The following CTDSPL variants were observed in gnomAD, a reference collection of about 807,000 sequenced individuals.
CTDSPL encodes the protein CTD small phosphatase like.
CTDSPL carries 8 observed loss-of-function variants against 30.5 expected under a neutral mutation model. The observed-to-expected ratio is 0.26, with a 90% confidence interval of 0.15 to 0.47. The LOEUF (loss-of-function observed/expected upper bound fraction) is 0.47. Ranked by LOEUF, CTDSPL falls within the 20% of genes least tolerant of loss-of-function variation. The pLI, the probability that CTDSPL is intolerant of heterozygous loss-of-function variation, is 0.99. For synonymous variants in CTDSPL, 110 were observed against 137.9 expected, an observed-to-expected ratio of 0.80 and a Z score of 1.42; for missense variants, 248 against 366.1, an observed-to-expected ratio of 0.68 and a Z score of 2.63.
intron 1 of CTDSPL, among the ~76,000 whole-genome samples, chr3:37,890,193 C>T (rs1187756263): frequency 3.9e-5 from 6 of 152,082 alleles, no homozygotes; most frequent in Admixed American, 3.3e-4. Context: ...TCAACGTATG[C>T]GCGCACACCC....
intron 1 of CTDSPL, among the ~76,000 whole-genome samples, chr3:37,931,754 G>A (rs973236094): frequency 2.6e-5 from 4 of 151,812 alleles, no homozygotes; most frequent in Admixed American, 1.3e-4. Context: ...GATAAACAGG[G>A]CCAATCTTAA....
At chr3:37,904,623 A>G (rs1219613180) in intron 1 of CTDSPL, among the ~76,000 whole-genome samples, 1 of 152,180 alleles carries the variant, frequency 6.6e-6, no homozygotes, top group African/African-American at 2.4e-5. Context: ...TGGGAATGGC[A>G]TAGCTCACCA....
chr3:37,910,160 G>T (rs1698565809), intron 1 of CTDSPL, among the ~76,000 whole-genome samples: 1 of 152,218 alleles, frequency 6.6e-6, no homozygotes. Flanking sequence ...AGGCCACATA[G>T]TAACCACATA....
intron 1 of CTDSPL, among the ~76,000 whole-genome samples, chr3:37,899,513 C>T (rs1314600578): frequency 6.6e-6 from 1 of 152,160 alleles, no homozygotes; most frequent in East Asian, 1.9e-4. Flanking sequence ...AAAACAGGAG[C>T]CAATCAGGCT....
intron 1 of CTDSPL, among the ~76,000 whole-genome samples, chr3:37,935,979 T>G (rs1698911047): frequency 6.6e-6 from 1 of 152,150 alleles, no homozygotes; most frequent in South Asian, 2.1e-4. Flanking sequence ...ATGTCAGTAT[T>G]GCATACTGTG....
intron 1 of CTDSPL, among the ~76,000 whole-genome samples, chr3:37,878,680 A>C (rs911994374): frequency 6.6e-6 from 1 of 152,156 alleles, no homozygotes; most frequent in African/African-American, 2.4e-5. Flanking sequence ...TACATTTTGC[A>C]ATTAGGGGGA....
intron 1 of CTDSPL, among the ~76,000 whole-genome samples, chr3:37,876,948 A>G (rs1436762473): frequency 6.6e-6 from 1 of 152,054 alleles, no homozygotes; most frequent in Non-Finnish European, 1.5e-5. Flanking sequence ...TCTACTAAAA[A>G]TACAAAAATT....
intron 3 of CTDSPL, among the ~76,000 whole-genome samples, chr3:37,961,324 T>C (rs1019584372): frequency 1.1e-4 from 16 of 152,206 alleles, no homozygotes; most frequent in Admixed American, 9.8e-4. Context: ...GGTATTGAAG[T>C]ATTAGGAAAA....
chr3:37,959,116 C>G (rs1200026768), intron 3 of CTDSPL, among the ~76,000 whole-genome samples: 1 of 152,206 alleles, frequency 6.6e-6, no homozygotes, highest in East Asian at 1.9e-4. Context: ...GATCCCACAA[C>G]CTCCTGAAAG....
At chr3:37,935,067 T>C (rs1698899617) in intron 1 of CTDSPL, among the ~76,000 whole-genome samples, 1 of 152,254 alleles carries the variant, frequency 6.6e-6, no homozygotes, top group South Asian at 2.1e-4. Context: ...CATGTCTTCA[T>C]AATGATCATC....
chr3:37,904,899 C>T (rs1698496240), intron 1 of CTDSPL, among the ~76,000 whole-genome samples: 1 of 152,190 alleles, frequency 6.6e-6, no homozygotes, highest in Non-Finnish European at 1.5e-5. Context: ...CCCTGTCCAT[C>T]TTTCCAAGTA....
chr3:37,874,448 A>T (rs1698110537), intron 1 of CTDSPL, among the ~76,000 whole-genome samples: 1 of 152,140 alleles, frequency 6.6e-6, no homozygotes, highest in African/African-American at 2.4e-5. Context: ...TACAGACACA[A>T]GGCCGGGCGC....
chr3:37,921,004 G>T (rs1698706785), intron 1 of CTDSPL, among the ~76,000 whole-genome samples: 1 of 152,162 alleles, frequency 6.6e-6, no homozygotes. Flanking sequence ...CGGGTCTTTT[G>T]GGCCTCTGTG....
chr3:37,868,816 A>G (rs544923505), intron 1 of CTDSPL, among the ~76,000 whole-genome samples: 12 of 152,226 alleles, frequency 7.9e-5, no homozygotes, highest in African/African-American at 1.4e-4. Context: ...TAGCTAAATA[A>G]TAAGTCATGA....
At chr3:37,971,193 T>A (rs1000851358) in intron 5 of CTDSPL, among the ~76,000 whole-genome samples, 2 of 152,312 alleles carry the variant, frequency 1.3e-5, no homozygotes, top group African/African-American at 4.8e-5. Context: ...AGGAGGGGCG[T>A]CTGCAGTGAA....
At chr3:37,935,801 A>C (rs989432565) in intron 1 of CTDSPL, among the ~76,000 whole-genome samples, 1 of 152,170 alleles carries the variant, frequency 6.6e-6, no homozygotes, top group African/African-American at 2.4e-5. Context: ...TCTCTATGGA[A>C]ATTAGATCAA....
At chr3:37,888,598 C>T (rs75283457) in intron 1 of CTDSPL, among the ~76,000 whole-genome samples, 1 of 152,300 alleles carries the variant, frequency 6.6e-6, no homozygotes, top group African/African-American at 2.4e-5. Context: ...AATACTTAGA[C>T]CACCCTGTTT....
At chr3:37,887,090 C>T (rs1698271252) in intron 1 of CTDSPL, among the ~76,000 whole-genome samples, 1 of 152,208 alleles carries the variant, frequency 6.6e-6, no homozygotes, top group Non-Finnish European at 1.5e-5. Flanking sequence ...TCCAGGATGT[C>T]ACGGCAGTGG....
chr3:37,893,244 A>T (rs1480304214), intron 1 of CTDSPL, among the ~76,000 whole-genome samples: 1 of 152,200 alleles, frequency 6.6e-6, no homozygotes, highest in Non-Finnish European at 1.5e-5. Flanking sequence ...TTGGGATGTT[A>T]ACAGCTTCTA....
Sources: gnomAD v4.1 joint callset for allele counts (sites outside exome capture counted in the v4.1 genomes callset) on GRCh38, gnomAD v4.1.1 for gene constraint, MANE v1.5 for transcripts, NCBI Gene and HGNC (gene_info 2026-07-23, HGNC 2026-07-21) for gene names.